The following CDH13 variants were observed in gnomAD, a reference collection of about 807,000 sequenced individuals.
CDH13 encodes cadherin-13.
Under a neutral mutation model 63.8 loss-of-function variants are expected in CDH13, and 24 were observed. The observed-to-expected ratio is 0.38, with a 90% CI of 0.27 to 0.53. CDH13 has a LOEUF of 0.53. Among genes scored for constraint, CDH13 ranks in the 20% least tolerant of loss-of-function variants. The probability of loss-of-function intolerance (pLI) is 0.85; values close to 1 mark genes in which losing one functional copy is unlikely to be tolerated. For missense variants in CDH13, 1,049 were observed against 903.1 expected (o/e 1.16, Z -2.07); for synonymous variants, 503 against 355.3 (o/e 1.42, Z -4.67).
At chr16:82,904,822 A>G (rs1481029690) in intron 2 of CDH13, among the ~76,000 whole-genome samples, 1 of 152,144 alleles carries the variant, frequency 6.6e-6, no homozygotes, top group Non-Finnish European at 1.5e-5. Context: ...CATGTGGGCC[A>G]CCGTTTCCCA....
chr16:83,251,091 G>A (rs906425925), intron 5 of CDH13, among the ~76,000 whole-genome samples: 2 of 151,876 alleles, frequency 1.3e-5, no homozygotes, highest in African/African-American at 4.8e-5. Flanking sequence ...CCACAACCCA[G>A]GAACTTCCTG....
intron 8 of CDH13, among the ~76,000 whole-genome samples, chr16:83,606,660 A>C (rs1161925101): frequency 5.3e-5 from 8 of 150,142 alleles, no homozygotes; most frequent in Non-Finnish European, 5.9e-5. Context: ...CTGGAAGGTC[A>C]AGACAGCAGT....
intron 5 of CDH13, among the ~76,000 whole-genome samples, chr16:83,233,383 G>C (rs758104396): frequency 7.9e-5 from 12 of 152,324 alleles, no homozygotes; most frequent in Admixed American, 5.2e-4. Flanking sequence ...ACCAGTCCTT[G>C]TGCTGACTCA....
intron 2 of CDH13, among the ~76,000 whole-genome samples, chr16:83,009,875 T>C (rs1027113402): frequency 2.6e-5 from 4 of 152,166 alleles, no homozygotes; most frequent in Non-Finnish European, 5.9e-5. Flanking sequence ...GGCTCACGCC[T>C]GTAATCTCAG....
intron 7 of CDH13, among the ~76,000 whole-genome samples, chr16:83,586,052 C>T (rs1906123992): frequency 1.3e-5 from 2 of 152,322 alleles, no homozygotes; most frequent in South Asian, 2.1e-4. Flanking sequence ...TAAGGTAACC[C>T]ACCTAAAGGG....
chr16:83,215,513 A>AT (rs952967989), intron 4 of CDH13, among the ~76,000 whole-genome samples: 2 of 141,798 alleles, frequency 1.4e-5, no homozygotes, highest in African/African-American at 5.1e-5. Flanking sequence ...AAAAAAAAAA[A>AT]CCTGTAATGC....
In CDH13 at chr16:83,153,395, G is replaced by A. The variant is rs117600111; in HGVS notation, c.483+27894G>A. Among the ~76,000 whole-genome samples the A allele has an allele frequency of 1.2e-4, 18 of 152,280 alleles. No homozygotes were observed. In the East Asian group the frequency reaches 3.3e-3, roughly 28 times the overall value. ...AAACAATGACCTTAGGAGCAGTTTAGGGAGGGTCAGTATCTTACAGCCTCC... is the reference window on the plus strand; with the variant it reads ...AAACAATGACCTTAGGAGCAGTTTAAGGAGGGTCAGTATCTTACAGCCTCC... On this transcript the variant is annotated intron_variant, in intron 4 of 13. Transcript: ENST00000567109.
rs768563646 is a variant in CDH13, at chr16:83,125,435, C to T, written c.417C>T (p.Ser139=). 6.2e-7 allele frequency: 1 copy of T among 1,612,034 alleles called. No individual in the cohort carries two copies. The highest frequency in any genetic ancestry group is 8.5e-7 in the Non-Finnish European group (1 of 1,178,204). ...CTCCTGTCCCAAGACAAAAGAGGTC[C>T]ATTGTGGTATCTCCCATTTTAATTC... is the stretch of plus-strand genomic sequence containing the variant. ...RTSPVPRQKR[S]IVVSPILIPE... is the part of the protein sequence containing the mutation. Residue 139 remains serine, a synonymous_variant, in exon 4 of 14, where the codon TCC becomes TCT. Transcript: ENST00000567109.
intron 5 of CDH13, among the ~76,000 whole-genome samples, chr16:83,282,106 G>C (rs1020797347): frequency 5.9e-5 from 9 of 152,044 alleles, no homozygotes; most frequent in African/African-American, 2.2e-4. Context: ...ATGGGGGAAT[G>C]GCTGCTCATT....
chr16:83,188,725 T>G (rs1488421983), intron 4 of CDH13, among the ~76,000 whole-genome samples: 1 of 152,262 alleles, frequency 6.6e-6, no homozygotes, highest in East Asian at 1.9e-4. Flanking sequence ...TTTTGTGTAT[T>G]TAAAAAGACT....
chr16:83,556,537 G>GT (rs1462216833), intron 7 of CDH13, among the ~76,000 whole-genome samples: 1 of 152,168 alleles, frequency 6.6e-6, no homozygotes, highest in Non-Finnish European at 1.5e-5. Flanking sequence ...GAACCTCGGA[G>GT]GGGTCAAATA....
At chr16:82,627,529 C>G (rs1449488834) in intron 1 of CDH13, among the ~76,000 whole-genome samples, 2 of 152,180 alleles carry the variant, frequency 1.3e-5, no homozygotes, top group Non-Finnish European at 2.9e-5. Flanking sequence ...GCGACTCCAA[C>G]GAGCCGCGGT....
intron 4 of CDH13, among the ~76,000 whole-genome samples, chr16:83,195,207 G>A (rs1210998083): frequency 6.6e-6 from 1 of 152,130 alleles, no homozygotes; most frequent in Non-Finnish European, 1.5e-5. Flanking sequence ...TTAAATGATG[G>A]TATATCTGTC....
chr16:82,945,683 C>T (rs1358784400), intron 2 of CDH13, among the ~76,000 whole-genome samples: 1 of 152,098 alleles, frequency 6.6e-6, no homozygotes, highest in African/African-American at 2.4e-5. Flanking sequence ...ATACTAAGTC[C>T]CATCTGCAAG....
At chr16:83,154,333 G>T (rs1206020690) in intron 4 of CDH13, among the ~76,000 whole-genome samples, 1 of 152,120 alleles carries the variant, frequency 6.6e-6, no homozygotes, top group South Asian at 2.1e-4. Flanking sequence ...GAGGCTGGGG[G>T]TTCACAAGGT....
chr16:82,960,378 G>A (rs964122581), intron 2 of CDH13, among the ~76,000 whole-genome samples: 1 of 152,318 alleles, frequency 6.6e-6, no homozygotes, highest in South Asian at 2.1e-4. Context: ...TGGGAGGACA[G>A]GGGTGGGAGC....
chr16:83,140,088 G>T lies in CDH13; in HGVS notation c.483+14587G>T, dbSNP rs138152286. On this transcript the variant is annotated intron_variant, in intron 4 of 13. Transcript: ENST00000567109. ...TTTTACCTCTCTATTTTTAAAGTGC[G>T]TATACATTCATAAAGACACAGCATC... Among the ~76,000 whole-genome samples, 98 of 152,264 alleles carry T rather than the reference G, an allele frequency of 6.4e-4. 2 individuals carry two copies. In the East Asian group the frequency reaches 0.014, roughly 22 times the overall value.
At chr16:83,302,535 C>T (rs1434847464) in intron 5 of CDH13, among the ~76,000 whole-genome samples, 4 of 152,170 alleles carry the variant, frequency 2.6e-5, no homozygotes, top group Non-Finnish European at 5.9e-5. Flanking sequence ...ACATAAATGT[C>T]CTCTCACTTC....
chr16:83,413,527 C>T (rs1292842438), intron 6 of CDH13, among the ~76,000 whole-genome samples: 1 of 152,076 alleles, frequency 6.6e-6, no homozygotes, highest in Non-Finnish European at 1.5e-5. Flanking sequence ...GTAATGTTCC[C>T]CAACTAGAGA....
Sources: allele counts gnomAD v4.1 joint callset (sites outside exome capture counted in the v4.1 genomes callset), GRCh38; gene constraint gnomAD v4.1.1; transcripts MANE v1.5; gene names NCBI Gene and HGNC (gene_info 2026-07-23, HGNC 2026-07-21).